The following ATRIP variants were observed in gnomAD, a reference collection of about 807,000 sequenced individuals.
The protein encoded by ATRIP is ATR interacting protein.
Under a neutral mutation model 78.1 loss-of-function variants are expected in ATRIP, and 44 were observed. The observed-to-expected ratio is 0.56, with a 90% CI of 0.44 to 0.72. The LOEUF is 0.72. ATRIP is among the 30% of genes least tolerant of loss of function. The pLI is 0.00. For missense variants in ATRIP, 927 were observed against 980.2 expected, an observed-to-expected ratio of 0.95 and a Z score of 0.72; for synonymous variants, 388 against 408.9, an observed-to-expected ratio of 0.95 and a Z score of 0.62.
chr3:48,465,840 T>C lies in ATRIP; in HGVS notation c.*286T>C, dbSNP rs1379452296. ...GTGGAATTGTCCTGAGTCATTGCTTTGGGCTGGGGCCATGGGAAGAAACCA... is the reference window on the plus strand; with the variant it reads ...GTGGAATTGTCCTGAGTCATTGCTTCGGGCTGGGGCCATGGGAAGAAACCA... On this transcript the variant is annotated 3_prime_UTR_variant, in exon 13 of 13. Transcript: ENST00000320211. The C allele has an allele frequency of 5.3e-6, 2 of 376,446 alleles. No individual in the cohort carries two copies. Among genetic ancestry groups the C allele is most frequent in the African/African-American group, 4.2e-5 (2 of 47,954 alleles). The allele number at this position is 376,446 out of a possible 1,614,324, so 23.3% of individuals were successfully genotyped here.
chr3:48,457,874 TTTTTA>T (rs1208156639), intron 5 of ATRIP, among the ~76,000 whole-genome samples: 3 of 152,084 alleles, frequency 2.0e-5, no homozygotes, highest in African/African-American at 4.8e-5. Flanking sequence ...TTATTTTTTA[TTTTTA>T]TTTTATTATT....
chr3:48,457,245 T>C lies in ATRIP; in HGVS notation c.672-14T>C. 6.5e-7 allele frequency: 1 copy of C among 1,532,796 alleles called. No homozygotes were observed. The highest frequency in any genetic ancestry group is 8.8e-7 in the Non-Finnish European group (1 of 1,142,150). The allele number at this position is 1,532,796 out of a possible 1,614,324, so 94.9% of individuals were successfully genotyped here. On this transcript the variant is annotated splice_polypyrimidine_tract_variant and intron_variant, in intron 4 of 12. Coordinates refer to ENST00000320211, the MANE Select transcript of ATRIP (RefSeq NM_130384.3). ...TAGAATCATTACTTTGCTTTCATAG[T>C]TAACTTTTTCCAGTCCTAGGAAAAA...
chr3:48,457,523 A>C, intron 5 of ATRIP, 107 bp downstream of exon 5: 1 of 909,788 alleles, frequency 1.1e-6, no homozygotes, highest in Non-Finnish European at 1.5e-6. Context: ...AATTCTGACA[A>C]GGCACAGAGG....
In ATRIP at chr3:48,464,906, G is replaced by A. The variant is rs72556553; in HGVS notation, c.2131G>A (p.Asp711Asn). Reference sequence around the variant, plus strand: ...GAGGGCAGGGGGACCCCCAAGGACCGACCAGCAGAGGCGGACAGTGCGCTG... The same window carrying A: ...GAGGGCAGGGGGACCCCCAAGGACCAACCAGCAGAGGCGGACAGTGCGCTG... ...VRRAGGPPRT[D>N]QQRRTVRCLR... The change falls in exon 12 of 13, where the codon GAC becomes AAC. Residue 711 changes from aspartate to asparagine, a missense_variant. Transcript: ENST00000320211. 1.1e-3 allele frequency: 1,803 copies of A among 1,614,072 alleles called. 6 individuals carry two copies. Among genetic ancestry groups the A allele is most frequent in the Middle Eastern group, 6.1e-3 (37 of 6,062 alleles).
At chr3:48,450,667 A>G (rs1165728037) in intron 2 of ATRIP, 2 of 636,448 alleles carry the variant, frequency 3.1e-6, no homozygotes, top group African/African-American at 3.9e-5. Context: ...GCTCACTTCA[A>G]CCTCTGCCTC....
intron 6 of ATRIP, 138 bp downstream of exon 6, chr3:48,459,592 CAGAAGACT>C (rs2040044778): frequency 8.7e-7 from 1 of 1,145,862 alleles, no homozygotes; most frequent in African/African-American, 1.6e-5. Flanking sequence ...GTGGCTTAAG[CAGAAGACT>C]TTATAAAGTG....
chr3:48,460,153 G>C lies in ATRIP; in HGVS notation c.1099G>C (p.Asp367His), dbSNP rs368490195. The C allele has an allele frequency of 2.5e-5, 41 of 1,613,686 alleles. No individual in the cohort carries two copies. Among genetic ancestry groups the C allele is most frequent in the Non-Finnish European group, 1.4e-5 (16 of 1,179,968 alleles). ...MSGLRTTGSY[D>H]GSFSLSALRE... is the part of the protein sequence containing the mutation. The stretch of plus-strand genomic sequence containing the variant: ...AGGCCTCAGGACCACAGGTTCTTAT[G>C]ATGGGTCATTTTCCCTCTCAGCCCT... The change falls in exon 8 of 13, where the codon GAT (aspartate) becomes CAT (histidine). Residue 367 changes from aspartate to histidine, a missense_variant. Asp to His is a moderately conservative substitution (Grantham distance 81). Transcript: ENST00000320211.
intron 4 of ATRIP, among the ~76,000 whole-genome samples, chr3:48,456,359 A>G (rs192790000): frequency 2.5e-3 from 374 of 152,230 alleles, no homozygotes; most frequent in Middle Eastern, 6.8e-3. Context: ...TGGGCAGATC[A>G]TTTGAGCCCA....
chr3:48,460,835 G>A (rs2040086084), intron 8 of ATRIP, 36 bp downstream of exon 8: 3 of 1,546,664 alleles, frequency 1.9e-6, no homozygotes, highest in Non-Finnish European at 2.6e-6. Flanking sequence ...TTCTTTGTGG[G>A]TCTCACCTGA....
At chr3:48,456,474 G>A (rs1575279307) in intron 4 of ATRIP, among the ~76,000 whole-genome samples, 1 of 152,008 alleles carries the variant, frequency 6.6e-6, no homozygotes, top group East Asian at 1.9e-4. Flanking sequence ...TTGCACATCT[G>A]TAGTCCCTGT....
rs538334545 is a variant in ATRIP at position 48,459,229 on chromosome 3, C to T, written c.830-130C>T. On this transcript the variant is annotated intron_variant, in intron 5 of 12. Coordinates refer to ENST00000320211, the MANE Select transcript of ATRIP (RefSeq NM_130384.3). Reference sequence around the variant, plus strand: ...TAAAAGATGCAGGGCTCTTGAGCCGCTTTGGCTCTTGTTTGTTCCAAGTTC... The same window carrying T: ...TAAAAGATGCAGGGCTCTTGAGCCGTTTTGGCTCTTGTTTGTTCCAAGTTC... The T allele has an allele frequency of 4.0e-5, 28 of 697,486 alleles. No individual in the cohort carries two copies. In the South Asian group the frequency reaches 5.0e-4, roughly 12 times the overall value. The allele number at this position is 697,486 out of a possible 1,614,324, so 43.2% of individuals were successfully genotyped here. A position where few individuals can be genotyped will look rare whatever the true frequency, so the allele number is the denominator to read the frequency against.
intron 2 of ATRIP, chr3:48,450,589 ATTT>A (rs756559976): frequency 6.7e-3 from 6,507 of 968,156 alleles, no homozygotes; most frequent in East Asian, 0.011. Context: ...TGTGACCCAG[ATTT>A]TTTTTTTTTT....
At position 48,459,467 on chromosome 3, in the gene ATRIP, C is replaced by G. The variant is rs1329091951; in HGVS notation, c.925+13C>G. On this transcript the variant is annotated intron_variant, in intron 6 of 12. Coordinates refer to ENST00000320211, the MANE Select transcript of ATRIP (RefSeq NM_130384.3). The stretch of plus-strand genomic sequence containing the variant: ...TCAAACACTCAAGGTACCAGAATCC[C>G]TGCTTCTCCTGCAGGGGCCTGCATG... 2 of 1,609,372 alleles carry G rather than the reference C, an allele frequency of 1.2e-6. No individual in the cohort carries two copies. Among genetic ancestry groups the G allele is most frequent in the Non-Finnish European group, 1.7e-6 (2 of 1,175,936 alleles).
At chr3:48,464,517 A>G in intron 10 of ATRIP, 65 bp from the exon 11 acceptor site, 1 of 1,533,776 alleles carries the variant, frequency 6.5e-7, no homozygotes. Context: ...ATAGAAGCTT[A>G]AGAAAACCCT....
In ATRIP at chr3:48,460,485, T is replaced by C; in HGVS notation, c.1431T>C (p.Thr477=). ...GCATCCTGGAAGGCTTCTCTGTGAC[T>C]GCACTTAGCATTCTTCAGCACCTGG... is the stretch of plus-strand genomic sequence containing the variant. The part of the protein sequence containing the change: ...SVCILEGFSV[T]ALSILQHLVC... Residue 477 remains threonine, a synonymous_variant, in exon 8 of 13, where the codon ACT becomes ACC. Coordinates refer to ENST00000320211, the MANE Select transcript of ATRIP (RefSeq NM_130384.3). 6.2e-7 allele frequency: 1 copy of C among 1,611,436 alleles called. No homozygotes were observed. Among genetic ancestry groups the C allele is most frequent in the Non-Finnish European group, 8.5e-7 (1 of 1,178,446 alleles).
Position 48,450,056 on chromosome 3 carries a change from A to G in ATRIP, c.267A>G (p.Arg89=). Residue 89 remains arginine, a synonymous_variant, in exon 2 of 13, where the codon AGA becomes AGG. Transcript: ENST00000320211. The part of the protein sequence containing the change: ...RDVSSDHKVH[R]LLDGMSKNPS... ...TTACAGGTGATCATAAGGTCCACAG[A>G]TTATTAGATGGCATGTCAAAAAATC... The G allele has an allele frequency of 6.2e-7, 1 of 1,613,500 alleles. No homozygotes were observed. The highest frequency in any genetic ancestry group is 1.1e-5 in the South Asian group (1 of 90,798).
rs562377795 is a variant in ATRIP at position 48,464,807 on chromosome 3, C to T, written c.2056-24C>T. ...TGCAGGCCATGGTGGCACCAGGCCT[C>T]AGTCTGCACCCCCCCTCTCTCAGGT... On this transcript the variant is annotated intron_variant, in intron 11 of 12. Coordinates refer to ENST00000320211, the MANE Select transcript of ATRIP (RefSeq NM_130384.3). 2.5e-6 allele frequency: 4 copies of T among 1,602,586 alleles called. No homozygotes were observed. In the South Asian group the frequency reaches 4.4e-5, roughly 18 times the overall value.
At chr3:48,465,424 G>A in intron 12 of ATRIP, 63 bp from the exon 13 acceptor site, 1 of 1,521,898 alleles carries the variant, frequency 6.6e-7, no homozygotes, top group Non-Finnish European at 9.1e-7. Flanking sequence ...GAGGAGAGGT[G>A]GGACCTGCCC....
rs1331825073 is a variant in ATRIP at position 48,467,516 on chromosome 3, G to C, written c.*1962G>C. The C allele has an allele frequency of 1.9e-6, 3 of 1,613,754 alleles. No individual in the cohort carries two copies. Among genetic ancestry groups the C allele is most frequent in the South Asian group, 2.2e-5 (2 of 91,036 alleles). ...CTGGAGCCCTATCCAGGGAGGGGCT[G>C]CTGGCCCCACTGGGTCTGCTGGCCA... On this transcript the variant is annotated 3_prime_UTR_variant, in exon 13 of 13. Coordinates refer to ENST00000320211, the MANE Select transcript of ATRIP (RefSeq NM_130384.3).
Sources: allele counts gnomAD v4.1 joint callset (sites outside exome capture counted in the v4.1 genomes callset), GRCh38; gene constraint gnomAD v4.1.1; transcripts MANE v1.5; gene names NCBI Gene and HGNC (gene_info 2026-07-23, HGNC 2026-07-21).